VWF: variants seen among roughly 807,000 people sequenced by gnomAD.
VWF encodes Factor VIII related antigen.
VWF carries 176 observed loss-of-function variants against 308.6 expected under a neutral mutation model. That is an observed-to-expected ratio of 0.57 (90% CI 0.50 to 0.65). The LOEUF (loss-of-function observed/expected upper bound fraction) is 0.65, where lower values mean the gene tolerates loss of function less well. VWF is among the 30% of genes least tolerant of loss of function. The pLI, the probability that VWF is intolerant of heterozygous loss-of-function variation, is 0.00. For synonymous variants in VWF, 1,385 were observed against 1,443.4 expected, an observed-to-expected ratio of 0.96 and a Z score of 0.92; for missense variants, 3,146 against 3,648.2, an observed-to-expected ratio of 0.86 and a Z score of 3.55.
chr12:6,014,399 G>A (rs1221361295), intron 31 of VWF, among the ~76,000 whole-genome samples: 1 of 152,186 alleles, frequency 6.6e-6, no homozygotes, highest in African/African-American at 2.4e-5. Context: ...GGTGGAAGCT[G>A]GGGTTCCAGT....
Position 5,983,321 on chromosome 12 carries a change from G to A in VWF, c.6977-67C>T. The A allele has an allele frequency of 6.8e-6, 10 of 1,476,790 alleles. No individual in the cohort carries two copies. In the South Asian group the frequency reaches 1.1e-4, roughly 16 times the overall value. 91.5% of individuals were successfully genotyped at this position (1,476,790 alleles called of 1,614,324 possible). ...GGTTACTCTTTTATTACCTGTGAGT[G>A]GGATGCTACATTCCTATTCATGCAG... On this transcript the variant is annotated intron_variant, in intron 40 of 51. Transcript: ENST00000261405.
At chr12:6,011,962 A>C in intron 33 of VWF, 125 bp downstream of exon 33, 1 of 1,385,138 alleles carries the variant, frequency 7.2e-7, no homozygotes, top group Non-Finnish European at 1.0e-6. Context: ...ATGGACCCGC[A>C]AAAACAAGAT....
chr12:5,954,681 G>C (rs1462562385), intron 47 of VWF, among the ~76,000 whole-genome samples: 5 of 152,210 alleles, frequency 3.3e-5, no homozygotes, highest in African/African-American at 1.2e-4. Context: ...TGAACTCTTT[G>C]GTTGATCCCT....
At chr12:6,028,516 C>T (rs111773598) in intron 22 of VWF, among the ~76,000 whole-genome samples, 37,866 of 152,020 alleles carry the variant, frequency 0.25, 5,016 homozygotes, top group African/African-American at 0.31. Context: ...AGAGAAATGT[C>T]GAGTTACTCA....
intron 16 of VWF, among the ~76,000 whole-genome samples, chr12:6,050,576 A>AT (rs1158658714): frequency 6.6e-6 from 1 of 152,142 alleles, no homozygotes; most frequent in Non-Finnish European, 1.5e-5. Flanking sequence ...GTCTTCCTTC[A>AT]TATAGCATGC....
At chr12:6,032,888 G>A (rs11615208) in intron 20 of VWF, among the ~76,000 whole-genome samples, 30,963 of 122,530 alleles carry the variant, frequency 0.25, 3,413 homozygotes, top group Non-Finnish European at 0.28. Context: ...ACACACACAC[G>A]CATACACATA....
chr12:6,010,765 T>C (rs534670937), intron 34 of VWF, among the ~76,000 whole-genome samples: 46 of 152,358 alleles, frequency 3.0e-4, no homozygotes, highest in African/African-American at 1.0e-3. Flanking sequence ...GACCATACCC[T>C]CCTTCCCAGA....
At chr12:6,051,504 G>A (rs1211455346) in intron 16 of VWF, among the ~76,000 whole-genome samples, 1 of 152,056 alleles carries the variant, frequency 6.6e-6, no homozygotes, top group African/African-American at 2.4e-5. Context: ...TCGATCTACT[G>A]ACCTCGTGAT....
intron 47 of VWF, among the ~76,000 whole-genome samples, chr12:5,964,195 C>T (rs559291898): frequency 5.3e-4 from 79 of 148,428 alleles, no homozygotes; most frequent in East Asian, 2.9e-3. Context: ...CCAGCCTGGG[C>T]GACAGAGAGA....
intron 47 of VWF, among the ~76,000 whole-genome samples, chr12:5,963,102 C>T (rs1943338274): frequency 6.6e-6 from 1 of 152,068 alleles, no homozygotes; most frequent in South Asian, 2.1e-4. Flanking sequence ...AAAGCACTAA[C>T]CATAAAAGAA....
chr12:5,985,467 T>G, intron 39 of VWF, 96 bp downstream of exon 39: 1 of 1,333,924 alleles, frequency 7.5e-7, no homozygotes, highest in Non-Finnish European at 1.0e-6. Flanking sequence ...TGCCAGTGTT[T>G]GAGTCTGCTC....
At chr12:6,012,349 C>T (rs1363868119) in intron 32 of VWF, among the ~76,000 whole-genome samples, 6 of 152,196 alleles carry the variant, frequency 3.9e-5, no homozygotes, top group African/African-American at 1.4e-4. Context: ...AATTATGATG[C>T]CAACAACAGC....
Position 6,102,604 on chromosome 12 carries a change from A to G in VWF, c.533-7020T>C, listed in dbSNP as rs779518842. Among the ~76,000 whole-genome samples, 107 of 145,302 alleles carry G rather than the reference A, an allele frequency of 7.4e-4. 1 individual carries two copies. Among genetic ancestry groups the G allele is most frequent in the South Asian group, 9.0e-4 (4 of 4,458 alleles). On this transcript the variant is annotated intron_variant, in intron 5 of 51. Transcript: ENST00000261405. ...ACAAAAATTAGCCAGGCGTGGTGGC[A>G]GGCGCCTGTAGTCCCAGCTACTCAG...
chr12:6,118,970 C>T (rs531094565), intron 3 of VWF, among the ~76,000 whole-genome samples: 1 of 152,348 alleles, frequency 6.6e-6, no homozygotes, highest in East Asian at 1.9e-4. Context: ...TCTTATTTGT[C>T]ATGCCCTGGG....
chr12:5,997,623 C>T (rs1365171062), intron 34 of VWF, among the ~76,000 whole-genome samples: 1 of 152,174 alleles, frequency 6.6e-6, no homozygotes, highest in Non-Finnish European at 1.5e-5. Context: ...AGATGAAATG[C>T]CTACCTAATA....
intron 41 of VWF, among the ~76,000 whole-genome samples, chr12:5,982,918 G>A (rs116824085): frequency 1.5e-3 from 223 of 152,264 alleles, no homozygotes; most frequent in African/African-American, 4.4e-3. Flanking sequence ...AACCCAAGAC[G>A]GAGGTGCCTG....
chr12:5,985,785 A>T, intron 38 of VWF, 120 bp from the exon 39 acceptor site: 1 of 898,406 alleles, frequency 1.1e-6, no homozygotes, highest in East Asian at 2.6e-5. Context: ...GCCCTCTGAC[A>T]GAGCCTCACA....
intron 34 of VWF, among the ~76,000 whole-genome samples, chr12:5,996,542 GCCCAGA>G (rs1292612787): frequency 2.0e-5 from 3 of 151,998 alleles, no homozygotes; most frequent in African/African-American, 7.2e-5. Context: ...GGATGCCTTG[GCCCAGA>G]AAACAAAGTT....
intron 45 of VWF, among the ~76,000 whole-genome samples, chr12:5,968,403 A>G (rs1943430715): frequency 6.6e-6 from 1 of 152,160 alleles, no homozygotes; most frequent in Non-Finnish European, 1.5e-5. Flanking sequence ...TCCAAGTGAC[A>G]GCGCTTGCTT....
Sources: allele counts gnomAD v4.1 joint callset (sites outside exome capture counted in the v4.1 genomes callset), GRCh38; gene constraint gnomAD v4.1.1; transcripts MANE v1.5; gene names NCBI Gene and HGNC (gene_info 2026-07-23, HGNC 2026-07-21).